PON2: variants seen among roughly 807,000 people sequenced by gnomAD.
PON2 encodes the protein paraoxonase 2.
In PON2, 27 loss-of-function variants were observed where a neutral mutation model predicts 36.6. The ratio of observed to expected loss-of-function variants is 0.74; its 90% CI spans 0.54 to 1.02. The LOEUF (loss-of-function observed/expected upper bound fraction) is 1.02, where lower values mean the gene tolerates loss of function less well. Among genes scored for constraint, PON2 ranks in the 50% least tolerant of loss-of-function variants. PON2 has a pLI of 0.00. For missense variants in PON2, 363 were observed against 421.1 expected (o/e 0.86, Z 1.21); for synonymous variants, 149 against 156.3 (o/e 0.95, Z 0.35).
chr7:95,408,266 G>T lies in PON2; in HGVS notation c.696-1198C>A, dbSNP rs557561978. 2.0e-5 allele frequency among the ~76,000 whole-genome samples: 3 copies of T among 152,242 alleles called. No individual in the cohort carries two copies. The South Asian group carries it at 6.2e-4, about 32-fold the overall frequency. ...TAATAGAGATAGACAGACAAAATTG[G>T]CAAGAGTGAAAAAAATCCAAGTAGA... On this transcript the variant is annotated intron_variant, in intron 6 of 8. Transcript: ENST00000222572.
At chr7:95,420,432 T>C (rs1306192539) in intron 2 of PON2, among the ~76,000 whole-genome samples, 1 of 152,190 alleles carries the variant, frequency 6.6e-6, no homozygotes, top group Non-Finnish European at 1.5e-5. Flanking sequence ...AAATCTTGGG[T>C]GTATAAAAGC....
At chr7:95,415,454 T>C (rs1192504977) in intron 3 of PON2, among the ~76,000 whole-genome samples, 3 of 152,206 alleles carry the variant, frequency 2.0e-5, no homozygotes, top group South Asian at 2.1e-4. Context: ...TTTCCACTTA[T>C]GATTGGCTAT....
At chr7:95,410,188 C>A in intron 5 of PON2, 87 bp from the exon 6 acceptor site, 1 of 1,144,324 alleles carries the variant, frequency 8.7e-7, no homozygotes, top group Non-Finnish European at 1.3e-6. Context: ...ATTTATGCAA[C>A]ATGTGCTTTA....
Position 95,405,213 on chromosome 7 carries a change from A to G in PON2, c.*117T>C. ...AAGGGCCGTTCCTTACTGGAATAAA[A>G]TTAACTACACATGCCATACATTTCT... On this transcript the variant is annotated 3_prime_UTR_variant, in exon 9 of 9. Transcript: ENST00000222572. 4 of 1,153,338 alleles carry G rather than the reference A, an allele frequency of 3.5e-6. No individual in the cohort carries two copies. Among genetic ancestry groups the G allele is most frequent in the South Asian group, 1.4e-5 (1 of 71,892 alleles). The allele number at this position is 1,153,338 out of a possible 1,614,324, so 71.4% of individuals were successfully genotyped here.
chr7:95,426,433 A>G (rs975312225), intron 1 of PON2, among the ~76,000 whole-genome samples: 5 of 152,232 alleles, frequency 3.3e-5, no homozygotes, highest in African/African-American at 1.2e-4. Flanking sequence ...TAATTCTTCA[A>G]ACAACCCTGT....
At chr7:95,416,759 T>C (rs1789072597) in intron 2 of PON2, among the ~76,000 whole-genome samples, 1 of 152,264 alleles carries the variant, frequency 6.6e-6, no homozygotes, top group Non-Finnish European at 1.5e-5. Context: ...TGGGATTATA[T>C]ATTCCTTCTT....
intron 5 of PON2, among the ~76,000 whole-genome samples, chr7:95,410,786 T>C (rs1218022430): frequency 6.6e-6 from 1 of 152,200 alleles, no homozygotes; most frequent in Non-Finnish European, 1.5e-5. Flanking sequence ...CTGAAAGAGC[T>C]GCTTTATTCT....
At chr7:95,420,940 C>G (rs922095253) in intron 2 of PON2, among the ~76,000 whole-genome samples, 1 of 151,786 alleles carries the variant, frequency 6.6e-6, no homozygotes, top group African/African-American at 2.4e-5. Flanking sequence ...ACATAGCATT[C>G]GACAAACGTT....
intron 2 of PON2, among the ~76,000 whole-genome samples, chr7:95,420,525 C>T (rs1246979140): frequency 6.6e-6 from 1 of 152,170 alleles, no homozygotes; most frequent in Non-Finnish European, 1.5e-5. Context: ...CCACAGAAGG[C>T]ACACATCCTG....
At chr7:95,434,018 C>T (rs540348328) in intron 1 of PON2, among the ~76,000 whole-genome samples, 175 of 152,208 alleles carry the variant, frequency 1.1e-3, no homozygotes, top group Non-Finnish European at 7.8e-4. Flanking sequence ...TTACACATAG[C>T]AGGTGCTCAG....
chr7:95,405,751 A>T (rs1809667465), intron 8 of PON2, among the ~76,000 whole-genome samples: 1 of 152,244 alleles, frequency 6.6e-6, no homozygotes, highest in Admixed American at 6.5e-5. Context: ...AAATACTTTC[A>T]TACTAATGTG....
intron 2 of PON2, among the ~76,000 whole-genome samples, chr7:95,422,983 C>G (rs548580254): frequency 1.3e-4 from 20 of 152,264 alleles, no homozygotes; most frequent in African/African-American, 4.1e-4. Context: ...GGTGTTTTGA[C>G]TGCTAATTCT....
At chr7:95,405,553 A>C in intron 8 of PON2, 65 bp from the exon 9 acceptor site, 1 of 1,489,544 alleles carries the variant, frequency 6.7e-7, no homozygotes, top group South Asian at 1.1e-5. Flanking sequence ...AATCATCAAT[A>C]AGCCCTGTTT....
At chr7:95,406,084 A>C in intron 8 of PON2, 35 bp downstream of exon 8, 1 of 1,597,094 alleles carries the variant, frequency 6.3e-7, no homozygotes, top group Non-Finnish European at 8.6e-7. Flanking sequence ...AAAGGACTTG[A>C]ATAATTAAGT....
intron 2 of PON2, among the ~76,000 whole-genome samples, chr7:95,423,740 G>A (rs1292280579): frequency 1.3e-5 from 2 of 152,162 alleles, no homozygotes; most frequent in Non-Finnish European, 2.9e-5. Flanking sequence ...TGCTAATAAA[G>A]ACATACCTGA....
intron 2 of PON2, among the ~76,000 whole-genome samples, chr7:95,422,437 G>A (rs1237478283): frequency 6.6e-6 from 1 of 151,986 alleles, no homozygotes; most frequent in Non-Finnish European, 1.5e-5. Flanking sequence ...TTTCTATATT[G>A]TTTGCACATA....
intron 2 of PON2, chr7:95,418,026 G>C (rs1298897447): frequency 6.6e-6 from 1 of 151,962 alleles, no homozygotes; most frequent in Non-Finnish European, 1.5e-5. Flanking sequence ...TGTAACTTCT[G>C]TTTAACTCCA....
intron 1 of PON2, chr7:95,434,351 A>G (rs891009741): frequency 3.9e-5 from 6 of 153,214 alleles, no homozygotes; most frequent in Non-Finnish European, 8.7e-5. Context: ...ATAAATAGGA[A>G]GTAAGAACAG....
At chr7:95,428,227 T>A (rs1000140145) in intron 1 of PON2, among the ~76,000 whole-genome samples, 8 of 152,216 alleles carry the variant, frequency 5.3e-5, no homozygotes, top group African/African-American at 1.9e-4. Flanking sequence ...CTTTTCTTTT[T>A]CATTACAGTT....
Sources: allele counts gnomAD v4.1 joint callset (sites outside exome capture counted in the v4.1 genomes callset), GRCh38; gene constraint gnomAD v4.1.1; transcripts MANE v1.5; gene names NCBI Gene and HGNC (gene_info 2026-07-23, HGNC 2026-07-21).